PEX11G: variants seen among roughly 807,000 people sequenced by gnomAD.
PEX11G encodes peroxisomal membrane protein 11C.
PEX11G carries 20 observed loss-of-function variants against 22.5 expected under a neutral mutation model. The observed-to-expected ratio is 0.89, with a 90% CI of 0.62 to 1.29. PEX11G has a LOEUF of 1.29. Among genes scored for constraint, PEX11G ranks in the 50% most tolerant of loss-of-function variants. PEX11G has a pLI of 0.00. For missense variants in PEX11G, 347 were observed against 331.3 expected (o/e 1.05, Z -0.37); for synonymous variants, 141 against 154.5 (o/e 0.91, Z 0.65).
intron 4 of PEX11G, among the ~76,000 whole-genome samples, chr19:7,477,982 A>G (rs1977305903): frequency 6.6e-6 from 1 of 152,230 alleles, no homozygotes; most frequent in Non-Finnish European, 1.5e-5. Flanking sequence ...AGATGGCACC[A>G]CTGTGCTCCA....
At chr19:7,480,317 AG>A (rs1318195700) in intron 3 of PEX11G, among the ~76,000 whole-genome samples, 1 of 152,022 alleles carries the variant, frequency 6.6e-6, no homozygotes, top group Non-Finnish European at 1.5e-5. Context: ...TACAAACCAG[AG>A]GTCACGAGGC....
In PEX11G at chr19:7,488,940, C is replaced by T. The variant is rs746298866; in HGVS notation, c.60+11G>A. 6.4e-7 allele frequency: 1 copy of T among 1,550,666 alleles called. No individual in the cohort carries two copies. ...TCTAGGACCTCCGGCCCCGGTCCGC[C>T]CCTGCCTCACCAGGCGGTCCCGGCC... On this transcript the variant is annotated intron_variant, in intron 1 of 4. Transcript: ENST00000221480.
At chr19:7,487,908 C>T (rs2021735120) in intron 1 of PEX11G, among the ~76,000 whole-genome samples, 1 of 152,172 alleles carries the variant, frequency 6.6e-6, no homozygotes, top group African/African-American at 2.4e-5. Flanking sequence ...ATCTAAATGC[C>T]TAGCCACCAG....
intron 1 of PEX11G, among the ~76,000 whole-genome samples, chr19:7,486,702 C>A (rs924355945): frequency 3.3e-5 from 5 of 152,028 alleles, no homozygotes; most frequent in African/African-American, 1.2e-4. Context: ...CGGGTTCATG[C>A]GATTCTCCTG....
chr19:7,478,432 C>T (rs1379352173), intron 3 of PEX11G, 56 bp from the exon 4 acceptor site: 2 of 1,545,468 alleles, frequency 1.3e-6, no homozygotes, highest in Admixed American at 1.9e-5. Flanking sequence ...AGGGTTAGCT[C>T]CACAACGCTG....
At position 7,477,354 on chromosome 19, in the gene PEX11G, G is replaced by A. The variant is rs1193575425; in HGVS notation, c.574C>T (p.Leu192=). 1 of 1,556,744 alleles carries A rather than the reference G, an allele frequency of 6.4e-7. No homozygotes were observed. Among genetic ancestry groups the A allele is most frequent in the East Asian group, 2.4e-5 (1 of 41,560 alleles). Residue 192 remains leucine, a synonymous_variant, in exon 5 of 5, where the codon CTG becomes TTG. Transcript: ENST00000221480. ...ALSLLSNLAD[L]ANAVHWLPRG... ...GGCAGCCAGTGCACGGCGTTGGCCA[G>A]GTCGGCCAGGTTGCTGAGAAGTGAC...
intron 2 of PEX11G, among the ~76,000 whole-genome samples, chr19:7,484,787 A>C (rs932421837): frequency 1.3e-5 from 2 of 151,154 alleles, no homozygotes; most frequent in Non-Finnish European, 3.0e-5. Context: ...AAAAAAAAAG[A>C]AGCTGACCAC....
In PEX11G at chr19:7,482,040, C is replaced by T. The variant is rs1181357386; in HGVS notation, c.421G>A (p.Val141Ile). The T allele has an allele frequency of 1.9e-6, 3 of 1,596,512 alleles. No individual in the cohort carries two copies. The highest frequency in any genetic ancestry group is 1.1e-5 in the South Asian group (1 of 88,718). Residue 141 changes from valine (V) to isoleucine (I), a missense_variant, in exon 3 of 5, where the codon GTT becomes ATT. Val to Ile is a conservative substitution (Grantham distance 29). Coordinates refer to ENST00000221480, the MANE Select transcript of PEX11G (RefSeq NM_080662.4). ...CTGGCCCATGCCACTTACCTGGCAACCCCCAGGAGCAGAGAGAGGGCCCAC... is the reference window on the plus strand; with the variant it reads ...CTGGCCCATGCCACTTACCTGGCAATCCCCAGGAGCAGAGAGAGGGCCCAC... Reference protein sequence around the residue: ...TLWALSLLLGVARSLWMLLKL... With the variant: ...TLWALSLLLGIARSLWMLLKL...
chr19:7,479,917 A>C (rs752245831), intron 3 of PEX11G, among the ~76,000 whole-genome samples: 1 of 152,100 alleles, frequency 6.6e-6, no homozygotes, highest in African/African-American at 2.4e-5. Context: ...GGTATATGGG[A>C]GCTCTCTGAA....
intron 1 of PEX11G, among the ~76,000 whole-genome samples, chr19:7,487,633 G>C (rs1220340460): frequency 6.6e-6 from 1 of 152,082 alleles, no homozygotes; most frequent in Non-Finnish European, 1.5e-5. Context: ...CTTTTCCCAG[G>C]CTGGTCTCAA....
chr19:7,491,589 T>A (rs2021891859), upstream of PEX11G, among the ~76,000 whole-genome samples: 1 of 151,804 alleles, frequency 6.6e-6, no homozygotes, highest in African/African-American at 2.4e-5. Context: ...TTCATACAAA[T>A]GGAATCATAC....
chr19:7,489,116 G>T, upstream of PEX11G: 1 of 1,315,778 alleles, frequency 7.6e-7, no homozygotes, highest in South Asian at 1.7e-5. Context: ...CGCGGCCGCA[G>T]GCCTTTGTCC....
rs759542674 is a variant in PEX11G at position 7,477,352 on chromosome 19, C to T, written c.576G>A (p.Leu192=). 5.5e-5 allele frequency: 85 copies of T among 1,556,052 alleles called. No individual in the cohort carries two copies. The highest frequency in any genetic ancestry group is 7.3e-5 in the Non-Finnish European group (84 of 1,152,770). The change falls in exon 5 of 5, where the codon CTG becomes CTA. Residue 192 remains leucine, a synonymous_variant. Transcript: ENST00000221480. ...ALSLLSNLAD[L]ANAVHWLPRG... is the part of the protein sequence containing the mutation. ...GGGGCAGCCAGTGCACGGCGTTGGC[C>T]AGGTCGGCCAGGTTGCTGAGAAGTG... is the stretch of plus-strand genomic sequence containing the variant.
intron 2 of PEX11G, among the ~76,000 whole-genome samples, chr19:7,482,653 G>T (rs374980966): frequency 6.6e-6 from 1 of 152,196 alleles, no homozygotes; most frequent in Admixed American, 6.5e-5. Context: ...CACAGGTGGG[G>T]ACCTCTGTTG....
upstream of PEX11G, among the ~76,000 whole-genome samples, chr19:7,491,825 A>C (rs1218585006): frequency 6.6e-6 from 1 of 151,668 alleles, no homozygotes; most frequent in Non-Finnish European, 1.5e-5. Flanking sequence ...GCCAATTTTT[A>C]AAATTTTTCT....
In PEX11G at chr19:7,476,937, C is replaced by T; in HGVS notation, c.*265G>A. 3 of 405,094 alleles carry T rather than the reference C, an allele frequency of 7.4e-6. No individual in the cohort carries two copies. The East Asian group carries it at 1.1e-4, about 15-fold the overall frequency. 25.1% of individuals were successfully genotyped at this position (405,094 alleles called of 1,614,324 possible). ...TTTCTCAAGGCACGACAGGCCCCCT[C>T]TTCCTCATCTTGATTTGGATACAAG... On this transcript the variant is annotated 3_prime_UTR_variant, in exon 5 of 5. Coordinates refer to ENST00000221480, the MANE Select transcript of PEX11G (RefSeq NM_080662.4).
intron 3 of PEX11G, among the ~76,000 whole-genome samples, chr19:7,479,823 GTGA>G (rs1280995634): frequency 6.6e-6 from 1 of 152,230 alleles, no homozygotes; most frequent in African/African-American, 2.4e-5. Flanking sequence ...CTCACTTGGG[GTGA>G]TGATGGATCC....
Position 7,476,904 on chromosome 19 carries a change from G to A in PEX11G, c.*298C>T, listed in dbSNP as rs755570755. The A allele has an allele frequency of 4.8e-4, 178 of 367,290 alleles. No individual in the cohort carries two copies. Among genetic ancestry groups the A allele is most frequent in the Middle Eastern group, 1.4e-3 (2 of 1,438 alleles). 22.8% of individuals were successfully genotyped at this position (367,290 alleles called of 1,614,324 possible). A position where few individuals can be genotyped will look rare whatever the true frequency, so the allele number is the denominator to read the frequency against. Reference sequence around the variant, plus strand: ...GCACCACAATGTTTAATTGATTCCCGTTCCAGCTTTCTCAAGGCACGACAG... The same window carrying A: ...GCACCACAATGTTTAATTGATTCCCATTCCAGCTTTCTCAAGGCACGACAG... On this transcript the variant is annotated 3_prime_UTR_variant, in exon 5 of 5. Coordinates refer to ENST00000221480, the MANE Select transcript of PEX11G (RefSeq NM_080662.4).
intron 1 of PEX11G, among the ~76,000 whole-genome samples, chr19:7,488,086 T>C (rs900192590): frequency 1.3e-5 from 2 of 152,132 alleles, no homozygotes; most frequent in African/African-American, 4.8e-5. Context: ...ATATCCTAAA[T>C]CCCCACATGA....
Sources: gnomAD v4.1 joint callset for allele counts (sites outside exome capture counted in the v4.1 genomes callset) on GRCh38, gnomAD v4.1.1 for gene constraint, MANE v1.5 for transcripts, NCBI Gene and HGNC (gene_info 2026-07-23, HGNC 2026-07-21) for gene names.